SNX29: variants seen among roughly 807,000 people sequenced by gnomAD.
SNX29 encodes sorting nexin-29.
In SNX29, 78 loss-of-function variants were observed where a neutral mutation model predicts 102.1. That is an observed-to-expected ratio of 0.76 (90% confidence interval 0.64 to 0.92). SNX29 has a LOEUF of 0.92. SNX29 is among the 40% of genes least tolerant of loss of function. SNX29 has a pLI of 0.00. For synonymous variants in SNX29, 580 were observed against 414.5 expected (o/e 1.40, Z -4.85); for missense variants, 1,280 against 1,061.7 (o/e 1.21, Z -2.86).
chr16:12,528,627 C>T (rs1037501826), intron 20 of SNX29, among the ~76,000 whole-genome samples: 2 of 152,196 alleles, frequency 1.3e-5, no homozygotes, highest in Admixed American at 6.5e-5. Context: ...AGCATCCCCT[C>T]CATGCTGTTT....
intron 14 of SNX29, among the ~76,000 whole-genome samples, chr16:12,212,142 C>T (rs552773311): frequency 2.7e-4 from 41 of 152,260 alleles, no homozygotes; most frequent in Non-Finnish European, 4.0e-4. Context: ...AGACGCCTGC[C>T]TATGTGGGGC....
At chr16:12,564,112 G>C (rs1030874412) in intron 20 of SNX29, among the ~76,000 whole-genome samples, 1 of 152,106 alleles carries the variant, frequency 6.6e-6, no homozygotes, top group African/African-American at 2.4e-5. Flanking sequence ...TCCTTGATTG[G>C]GTGTGGTGGA....
At chr16:12,278,084 T>C in intron 15 of SNX29, 48 bp downstream of exon 15, 1 of 1,515,970 alleles carries the variant, frequency 6.6e-7, no homozygotes, top group Non-Finnish European at 9.0e-7. Flanking sequence ...GTTGGCTGCG[T>C]TGGAGACTTT....
intron 20 of SNX29, among the ~76,000 whole-genome samples, chr16:12,562,299 T>C (rs939464292): frequency 6.6e-6 from 1 of 152,210 alleles, no homozygotes; most frequent in Non-Finnish European, 1.5e-5. Flanking sequence ...CATCAAACGT[T>C]ATCGTTGGCT....
At chr16:12,155,701 C>T (rs1280421655) in intron 13 of SNX29, among the ~76,000 whole-genome samples, 3 of 152,130 alleles carry the variant, frequency 2.0e-5, no homozygotes, top group Non-Finnish European at 4.4e-5. Context: ...GGGGTAGATG[C>T]AGCTGGGAGT....
chr16:12,362,774 G>A (rs1056326185), intron 16 of SNX29, among the ~76,000 whole-genome samples: 3 of 152,032 alleles, frequency 2.0e-5, no homozygotes, highest in African/African-American at 4.8e-5. Context: ...ATGCTGACAT[G>A]TGTCTCTCCC....
At chr16:12,364,042 G>C (rs1019400658) in intron 16 of SNX29, among the ~76,000 whole-genome samples, 4 of 152,060 alleles carry the variant, frequency 2.6e-5, no homozygotes, top group Non-Finnish European at 5.9e-5. Flanking sequence ...GCCCAGGCTG[G>C]AGTGCAGTGG....
intron 15 of SNX29, among the ~76,000 whole-genome samples, chr16:12,295,555 AC>A: frequency 6.6e-6 from 1 of 152,160 alleles, no homozygotes. Context: ...AGCTGAATAT[AC>A]CCTGTTTCCT....
At chr16:12,412,963 C>G (rs192513414) in intron 18 of SNX29, among the ~76,000 whole-genome samples, 84 of 152,334 alleles carry the variant, frequency 5.5e-4, no homozygotes, top group African/African-American at 1.3e-3. Flanking sequence ...TTTCCTGACT[C>G]CTTCTGCGCC....
At chr16:12,539,857 G>C (rs1015400161) in intron 20 of SNX29, among the ~76,000 whole-genome samples, 11 of 152,212 alleles carry the variant, frequency 7.2e-5, no homozygotes, top group South Asian at 2.1e-4. Context: ...AAGTGTCCAA[G>C]TATTTTGCCT....
At chr16:12,273,447 C>T (rs376120642) in intron 14 of SNX29, among the ~76,000 whole-genome samples, 1 of 150,938 alleles carries the variant, frequency 6.6e-6, no homozygotes, top group Non-Finnish European at 1.5e-5. Flanking sequence ...CAACCTCTGC[C>T]TCCCGGATTC....
At chr16:12,358,822 G>C (rs1198608139) in intron 16 of SNX29, among the ~76,000 whole-genome samples, 1 of 152,230 alleles carries the variant, frequency 6.6e-6, no homozygotes, top group Non-Finnish European at 1.5e-5. Flanking sequence ...CAGGAAGACA[G>C]GATTCAGGGA....
chr16:12,257,493 C>G (rs745475150), intron 14 of SNX29, among the ~76,000 whole-genome samples: 74 of 127,078 alleles, frequency 5.8e-4, no homozygotes, highest in Non-Finnish European at 1.0e-3. Flanking sequence ...ATTCTGCCTA[C>G]CACTAGCATC....
intron 20 of SNX29, among the ~76,000 whole-genome samples, chr16:12,547,235 G>C (rs1410153196): frequency 6.6e-6 from 1 of 152,238 alleles, no homozygotes; most frequent in Admixed American, 6.5e-5. Context: ...GAGCCAGGCA[G>C]TGGACACAGC....
chr16:12,252,045 C>G (rs1222971485), intron 14 of SNX29, among the ~76,000 whole-genome samples: 1 of 152,166 alleles, frequency 6.6e-6, no homozygotes, highest in East Asian at 1.9e-4. Context: ...CGGATATGAG[C>G]CACCACGCCT....
intron 11 of SNX29, among the ~76,000 whole-genome samples, chr16:12,082,112 T>A (rs2051926748): frequency 6.6e-6 from 1 of 152,136 alleles, no homozygotes; most frequent in South Asian, 2.1e-4. Flanking sequence ...ATTCTGTCTC[T>A]GTGTGGGTGG....
At chr16:12,469,123 C>G (rs1175339006) in intron 18 of SNX29, among the ~76,000 whole-genome samples, 2 of 152,162 alleles carry the variant, frequency 1.3e-5, no homozygotes, top group African/African-American at 4.8e-5. Context: ...ATCCTTCTTT[C>G]AAAGATCTGT....
chr16:12,182,588 A>G lies in SNX29; in HGVS notation c.1596-17013A>G, dbSNP rs560686795. 3.9e-5 allele frequency among the ~76,000 whole-genome samples: 6 copies of G among 152,250 alleles called. No individual in the cohort carries two copies. The East Asian group carries it at 1.2e-3, about 29-fold the overall frequency. On this transcript the variant is annotated intron_variant, in intron 13 of 20. Transcript: ENST00000566228. ...TGGCAGGAGCTCCGCACCCCTGCCA[A>G]CCAGTTACCTCTAGCCTGAGTTTCA...
At chr16:12,486,985 TCAAAGA>T (rs1196558861) in intron 19 of SNX29, among the ~76,000 whole-genome samples, 1 of 152,020 alleles carries the variant, frequency 6.6e-6, no homozygotes, top group Non-Finnish European at 1.5e-5. Flanking sequence ...GCACTGAGAG[TCAAAGA>T]AAAAGAAAAA....
Sources: gnomAD v4.1 joint callset for allele counts (sites outside exome capture counted in the v4.1 genomes callset) on GRCh38, gnomAD v4.1.1 for gene constraint, MANE v1.5 for transcripts, NCBI Gene and HGNC (gene_info 2026-07-23, HGNC 2026-07-21) for gene names.